CNTN4: variants seen among roughly 807,000 people sequenced by gnomAD.
CNTN4 encodes contactin 4.
In CNTN4, 77 loss-of-function variants were observed where a neutral mutation model predicts 122.5. The observed-to-expected ratio is 0.63, with a 90% CI of 0.52 to 0.76. CNTN4 has a LOEUF of 0.76. CNTN4 is among the 30% of genes least tolerant of loss of function. The pLI, the probability that CNTN4 is intolerant of heterozygous loss-of-function variation, is 0.00. For missense variants in CNTN4, 1,256 were observed against 1,259.1 expected (o/e 1.00, Z 0.04); for synonymous variants, 512 against 447.0 (o/e 1.15, Z -1.83).
intron 6 of CNTN4, among the ~76,000 whole-genome samples, chr3:2,774,277 CA>C (rs1348678053): frequency 6.6e-6 from 1 of 151,412 alleles, no homozygotes; most frequent in African/African-American, 2.4e-5. Context: ...AAAACAAAAA[CA>C]AAAAAAAGAA....
intron 10 of CNTN4, among the ~76,000 whole-genome samples, chr3:2,899,989 GTAGC>G (rs2094155661): frequency 6.6e-6 from 1 of 152,198 alleles, no homozygotes; most frequent in South Asian, 2.1e-4. Flanking sequence ...CCAAAATAAA[GTAGC>G]TTAGATGAAA....
intron 4 of CNTN4, among the ~76,000 whole-genome samples, chr3:2,590,178 T>G (rs2080399748): frequency 6.6e-6 from 1 of 152,220 alleles, no homozygotes; most frequent in Non-Finnish European, 1.5e-5. Context: ...TCCACTCTTG[T>G]GCATTTCTAA....
chr3:2,938,200 G>A (rs1161844403), intron 13 of CNTN4, among the ~76,000 whole-genome samples: 1 of 151,994 alleles, frequency 6.6e-6, no homozygotes, highest in Non-Finnish European at 1.5e-5. Flanking sequence ...GGGGATCCTT[G>A]GGGATTCAGG....
intron 7 of CNTN4, among the ~76,000 whole-genome samples, chr3:2,843,577 T>A (rs866873274): frequency 1.3e-5 from 2 of 152,170 alleles, no homozygotes; most frequent in Non-Finnish European, 2.9e-5. Flanking sequence ...TGGGAGTGGA[T>A]CCTTCACGGC....
Position 3,022,181 on chromosome 3 carries a change from T to C in CNTN4, c.1487-3921T>C, listed in dbSNP as rs537782746. Among the ~76,000 whole-genome samples the C allele has an allele frequency of 2.0e-5, 3 of 151,152 alleles. No individual in the cohort carries two copies. The South Asian group carries it at 6.3e-4, about 32-fold the overall frequency. On this transcript the variant is annotated intron_variant, in intron 14 of 24. Transcript: ENST00000418658. ...ATCGTTTGAACCTGAGATAGGGAGG[T>C]TGCAGTGAGCCAAGATTGTGCCTCT...
chr3:2,636,958 G>A (rs570242821), intron 4 of CNTN4, among the ~76,000 whole-genome samples: 7 of 72,670 alleles, frequency 9.6e-5, no homozygotes, highest in African/African-American at 3.2e-4. Context: ...TTTTTTTTGA[G>A]ATAGCGTCTC....
chr3:2,243,682 C>T (rs549470078), intron 2 of CNTN4, among the ~76,000 whole-genome samples: 1 of 152,150 alleles, frequency 6.6e-6, no homozygotes, highest in East Asian at 1.9e-4. Context: ...GTGTAGTTCA[C>T]TATGGACAAG....
intron 2 of CNTN4, among the ~76,000 whole-genome samples, chr3:2,216,303 CAT>C (rs913255673): frequency 2.0e-5 from 3 of 152,172 alleles, no homozygotes; most frequent in East Asian, 1.9e-4. Flanking sequence ...CCAAATACCA[CAT>C]GTTTTCACTT....
Position 2,121,434 on chromosome 3 carries a change from G to C in CNTN4, c.-145+20795G>C, listed in dbSNP as rs573974059. Among the ~76,000 whole-genome samples the C allele has an allele frequency of 7.4e-4, 111 of 150,742 alleles. 1 individual carries two copies. The Middle Eastern group carries it at 0.014, about 19-fold the overall frequency. ...AATCGCTTGAACCTGGGAGGTGGAGGTTGCAGTGAGCCGAGATCACACCAC... is the reference window on the plus strand; with the variant it reads ...AATCGCTTGAACCTGGGAGGTGGAGCTTGCAGTGAGCCGAGATCACACCAC... On this transcript the variant is annotated intron_variant, in intron 2 of 24. Coordinates refer to ENST00000418658, the MANE Select transcript of CNTN4 (RefSeq NM_175607.3).
intron 13 of CNTN4, among the ~76,000 whole-genome samples, chr3:2,974,743 G>A (rs1025527691): frequency 2.0e-5 from 3 of 152,178 alleles, no homozygotes; most frequent in Non-Finnish European, 4.4e-5. Flanking sequence ...TAACTGGACC[G>A]TGACAGTGGT....
chr3:2,442,803 A>G (rs1165287020), intron 3 of CNTN4, among the ~76,000 whole-genome samples: 1 of 152,208 alleles, frequency 6.6e-6, no homozygotes. Flanking sequence ...ATCCTAAATT[A>G]CCAAACATTT....
chr3:2,726,807 C>A (rs951325503), intron 4 of CNTN4, among the ~76,000 whole-genome samples: 3 of 152,052 alleles, frequency 2.0e-5, no homozygotes, highest in Admixed American at 6.6e-5. Context: ...ACGTGATGGA[C>A]CCTGATGTGA....
intron 4 of CNTN4, among the ~76,000 whole-genome samples, chr3:2,669,976 G>GT (rs1263063682): frequency 6.6e-6 from 1 of 152,172 alleles, no homozygotes; most frequent in Admixed American, 6.5e-5. Flanking sequence ...TATAATTTCT[G>GT]TTCTTTTACA....
chr3:2,965,951 T>A (rs573515388), intron 13 of CNTN4, among the ~76,000 whole-genome samples: 49 of 152,336 alleles, frequency 3.2e-4, no homozygotes, highest in African/African-American at 1.1e-3. Context: ...TATAGATACA[T>A]ATATCATTTC....
At chr3:2,918,937 C>T (rs2094398304) in intron 12 of CNTN4, among the ~76,000 whole-genome samples, 1 of 152,186 alleles carries the variant, frequency 6.6e-6, no homozygotes, top group Admixed American at 6.5e-5. Flanking sequence ...TCCCTGATTT[C>T]TTTCCTGCAA....
At chr3:2,396,379 A>T (rs1157341364) in intron 3 of CNTN4, among the ~76,000 whole-genome samples, 1 of 152,088 alleles carries the variant, frequency 6.6e-6, no homozygotes, top group Non-Finnish European at 1.5e-5. Context: ...TGGACCTATA[A>T]TGTCTTCTCA....
At chr3:2,507,733 T>TC (rs1163553202) in intron 3 of CNTN4, among the ~76,000 whole-genome samples, 15 of 63,826 alleles carry the variant, frequency 2.4e-4, no homozygotes, top group Non-Finnish European at 4.1e-4. Flanking sequence ...AGACTTTGTC[T>TC]CAAAAAAAAA....
chr3:3,044,971 C>T (rs945605993), intron 23 of CNTN4, among the ~76,000 whole-genome samples: 3 of 152,202 alleles, frequency 2.0e-5, no homozygotes, highest in African/African-American at 7.2e-5. Flanking sequence ...AGATTATATC[C>T]CATGCATGGC....
At position 3,034,773 on chromosome 3, in the gene CNTN4, G is replaced by A. The variant is rs1294749909; in HGVS notation, c.1925G>A (p.Trp642Ter). The A allele has an allele frequency of 6.2e-7, 1 of 1,613,922 alleles. No homozygotes were observed. Among genetic ancestry groups the A allele is most frequent in the Non-Finnish European group, 8.5e-7 (1 of 1,179,976 alleles). ...GCCAGGACTCCATTCTCCGTGGGCT[G>A]GCAAGCAGTCAGTACAGGTACCATA... ...IQARTPFSVGWQAVSTVPELI... is the reference protein window; with the variant it reads ...IQARTPFSVG Residue 642 changes from tryptophan (W) to a stop codon, truncating the protein, a stop_gained, in exon 17 of 25, where the codon TGG becomes TAG. Coordinates refer to ENST00000418658, the MANE Select transcript of CNTN4 (RefSeq NM_175607.3). LOFTEE classifies it high-confidence loss of function.
Sources: gnomAD v4.1 joint callset for allele counts (sites outside exome capture counted in the v4.1 genomes callset) on GRCh38, gnomAD v4.1.1 for gene constraint, MANE v1.5 for transcripts, NCBI Gene and HGNC (gene_info 2026-07-23, HGNC 2026-07-21) for gene names.